MEIOB: variants seen among roughly 807,000 people sequenced by gnomAD.
MEIOB encodes meiosis-specific with OB domain-containing protein.
Under a neutral mutation model 53.1 loss-of-function variants are expected in MEIOB, and 50 were observed. That is an observed-to-expected ratio of 0.94 (90% confidence interval 0.75 to 1.19). The LOEUF (loss-of-function observed/expected upper bound fraction) is 1.19. Ranked by LOEUF, MEIOB falls within the 50% of genes most tolerant of loss-of-function variation. The probability of loss-of-function intolerance (pLI) is 0.00; values close to 1 mark genes in which losing one functional copy is unlikely to be tolerated. For missense variants in MEIOB, 551 were observed against 550.8 expected, an observed-to-expected ratio of 1.00 and a Z score of 0.00; for synonymous variants, 192 against 182.5, an observed-to-expected ratio of 1.05 and a Z score of -0.42.
At chr16:1,841,033 T>C (rs1898894270) in intron 11 of MEIOB, 1 of 130,136 alleles carries the variant, frequency 7.7e-6, no homozygotes, top group African/African-American at 3.1e-5. Flanking sequence ...TTTTTTTTTT[T>C]GAGACAGAGT....
chr16:1,840,868 C>T (rs1049836672), intron 11 of MEIOB, among the ~76,000 whole-genome samples: 1 of 151,952 alleles, frequency 6.6e-6, no homozygotes, highest in Admixed American at 6.6e-5. Context: ...ATTTCTTATA[C>T]ATCCATGTGA....
Position 1,865,791 on chromosome 16 carries a change from A to G in MEIOB, c.114T>C (p.Phe38=). The G allele has an allele frequency of 6.5e-7, 1 of 1,548,504 alleles. No homozygotes were observed. Among genetic ancestry groups the G allele is most frequent in the South Asian group, 1.2e-5 (1 of 83,266 alleles). Residue 38 remains phenylalanine, a synonymous_variant, in exon 3 of 14, where the codon TTT becomes TTC. Coordinates refer to ENST00000325962, the MANE Select transcript of MEIOB (RefSeq NM_001163560.3). The part of the protein sequence containing the change: ...IVIGKTDVKG[F]PDRKNIGSER... ...ACAGAACTCAGCTTTTTCTGTCTGG[A>G]AAGCCTTTGACATCTGTTTTCCCAA...
chr16:1,858,570 C>T (rs1157092353), intron 5 of MEIOB, among the ~76,000 whole-genome samples: 3 of 152,164 alleles, frequency 2.0e-5, no homozygotes, highest in African/African-American at 2.4e-5. Context: ...GTCCATCCTC[C>T]ATAAGCAAAG....
At chr16:1,861,727 G>A (rs1321474091) in intron 4 of MEIOB, among the ~76,000 whole-genome samples, 1 of 151,690 alleles carries the variant, frequency 6.6e-6, no homozygotes, top group Admixed American at 6.6e-5. Flanking sequence ...TAGAAATGGG[G>A]TCTTGCCATG....
intron 11 of MEIOB, 53 bp downstream of exon 11, chr16:1,841,764 TAAC>T (rs1201570838): frequency 7.7e-7 from 1 of 1,305,416 alleles, no homozygotes; most frequent in Non-Finnish European, 1.0e-6. Context: ...TAAAATTTAT[TAAC>T]AATAATTATT....
intron 2 of MEIOB, among the ~76,000 whole-genome samples, chr16:1,866,105 A>G (rs983529396): frequency 6.6e-6 from 1 of 152,212 alleles, no homozygotes; most frequent in Admixed American, 6.5e-5. Context: ...CAATCACCAG[A>G]TGGAGCATAA....
intron 10 of MEIOB, chr16:1,843,310 A>T (rs1019675579): frequency 2.0e-5 from 3 of 151,510 alleles, no homozygotes; most frequent in Non-Finnish European, 2.9e-5. Flanking sequence ...AAAATAAAAA[A>T]AAATAATAAA....
intron 6 of MEIOB, 57 bp downstream of exon 6, chr16:1,857,678 A>T: frequency 7.3e-7 from 1 of 1,375,048 alleles, no homozygotes; most frequent in Non-Finnish European, 1.0e-6. Context: ...AACACAGATC[A>T]AGTGACTGCA....
rs1208056752 is a variant in MEIOB, at chr16:1,852,270, T to C, written c.778+769A>G. On this transcript the variant is annotated intron_variant, in intron 9 of 13. Transcript: ENST00000325962. ...GGTTTTTCACTTTTTTTTTTTTTTT[T>C]TTTTTTTTTTTGAGACGGAGTCTCG... is the stretch of plus-strand genomic sequence containing the variant. Among the ~76,000 whole-genome samples, 3 of 143,018 alleles carry C rather than the reference T, an allele frequency of 2.1e-5. No individual in the cohort carries two copies. The Admixed American group carries it at 2.1e-4, about 10-fold the overall frequency. 93.8% of individuals were successfully genotyped at this position (143,018 alleles called of 152,430 possible).
intron 7 of MEIOB, among the ~76,000 whole-genome samples, chr16:1,853,580 A>G (rs1382892163): frequency 6.6e-6 from 1 of 152,158 alleles, no homozygotes; most frequent in Non-Finnish European, 1.5e-5. Context: ...TTAAACTCAC[A>G]CTTTCAGACC....
intron 5 of MEIOB, among the ~76,000 whole-genome samples, chr16:1,858,423 G>A (rs916392695): frequency 6.6e-6 from 1 of 151,898 alleles, no homozygotes; most frequent in Admixed American, 6.6e-5. Flanking sequence ...AGTCCCTCCC[G>A]GCCCTTGCAC....
intron 6 of MEIOB, among the ~76,000 whole-genome samples, chr16:1,855,794 G>C (rs1899284881): frequency 6.6e-6 from 1 of 152,148 alleles, no homozygotes; most frequent in Admixed American, 6.6e-5. Flanking sequence ...GTATACAGAT[G>C]CTCCCCAGGT....
rs1899414400 is a variant in MEIOB at position 1,860,472 on chromosome 16, A to G, written c.263T>C (p.Ile88Thr). Residue 88 changes from isoleucine to threonine, a missense_variant, in exon 5 of 14, where the codon ATA becomes ACA. By Grantham distance (89) the Ile-to-Thr change is moderately conservative. Coordinates refer to ENST00000325962, the MANE Select transcript of MEIOB (RefSeq NM_001163560.3). Reference protein sequence around the residue: ...SDSFRVGDCVIIENPLIQRKE... With the variant: ...SDSFRVGDCVTIENPLIQRKE... ...TCTTTGGATCAGAGGATTTTCAATTATCACTAAAACAGAGGGCAAAGTATG... is the reference window on the plus strand; with the variant it reads ...TCTTTGGATCAGAGGATTTTCAATTGTCACTAAAACAGAGGGCAAAGTATG... The G allele has an allele frequency of 6.5e-7, 1 of 1,537,158 alleles. No homozygotes were observed.
intron 13 of MEIOB, 32 bp from the exon 14 acceptor site, chr16:1,834,398 G>T: frequency 1.6e-6 from 2 of 1,230,062 alleles, no homozygotes; most frequent in Non-Finnish European, 2.4e-6. Flanking sequence ...GAGACAAAAG[G>T]TTAATTTTTA....
At chr16:1,868,599 T>C (rs1484015488) in intron 1 of MEIOB, among the ~76,000 whole-genome samples, 1 of 151,672 alleles carries the variant, frequency 6.6e-6, no homozygotes, top group African/African-American at 2.4e-5. Flanking sequence ...CTCATGCCTA[T>C]TATCCCAGCA....
chr16:1,854,692 T>C (rs921721501), intron 6 of MEIOB, among the ~76,000 whole-genome samples: 1 of 152,194 alleles, frequency 6.6e-6, no homozygotes, highest in Non-Finnish European at 1.5e-5. Flanking sequence ...ATATAGGATA[T>C]GTCCTTTGCC....
At position 1,857,818 on chromosome 16, in the gene MEIOB, C is replaced by T. The variant is rs374490794; in HGVS notation, c.445G>A (p.Asp149Asn). The change falls in exon 6 of 14, where the codon GAT (aspartate) becomes AAT (asparagine). Residue 149 changes from aspartate to asparagine, a missense_variant. Transcript: ENST00000325962. ...LIHLPVKESH[D>N]YYSLGDIVAN... ...ACAATGTCACCCAGTGAATAATAAT[C>T]ATGAGACTCTTTAACAGGTAAATGT... The T allele has an allele frequency of 1.9e-6, 3 of 1,551,850 alleles. No homozygotes were observed. The highest frequency in any genetic ancestry group is 1.7e-6 in the Non-Finnish European group (2 of 1,146,844).
intron 12 of MEIOB, chr16:1,838,212 G>A (rs774141768): frequency 1.7e-4 from 72 of 435,832 alleles, no homozygotes; most frequent in Non-Finnish European, 2.3e-4. Context: ...GTTGCCCAGG[G>A]TGATCTTGAA....
chr16:1,865,738 G>A, intron 3 of MEIOB, 40 bp downstream of exon 3: 1 of 1,459,284 alleles, frequency 6.9e-7, no homozygotes, highest in Non-Finnish European at 9.3e-7. Context: ...ATAAGCCAAA[G>A]TTGATGAAAA....
Sources: allele counts gnomAD v4.1 joint callset (sites outside exome capture counted in the v4.1 genomes callset), GRCh38; gene constraint gnomAD v4.1.1; transcripts MANE v1.5; gene names NCBI Gene and HGNC (gene_info 2026-07-23, HGNC 2026-07-21).